INTS4: variants seen among roughly 807,000 people sequenced by gnomAD.
INTS4 encodes MSTP093.
INTS4 carries 70 observed loss-of-function variants against 119.5 expected under a neutral mutation model. That is an observed-to-expected ratio of 0.59 (90% CI 0.48 to 0.71). INTS4 has a LOEUF of 0.71. Among genes scored for constraint, INTS4 ranks in the 30% least tolerant of loss-of-function variants. The pLI is 0.00. For synonymous variants in INTS4, 316 were observed against 419.6 expected, an observed-to-expected ratio of 0.75 and a Z score of 3.02; for missense variants, 867 against 1,173.2, an observed-to-expected ratio of 0.74 and a Z score of 3.81.
rs755694615 is a variant in INTS4, at chr11:77,956,093, T to G, written c.798-31A>C. The G allele has an allele frequency of 2.5e-5, 39 of 1,572,880 alleles. No homozygotes were observed. In the East Asian group the frequency reaches 8.5e-4, roughly 34 times the overall value. On this transcript the variant is annotated intron_variant, in intron 7 of 22. Coordinates refer to ENST00000534064, the MANE Select transcript of INTS4 (RefSeq NM_033547.4). ...TTAAAAGAAAAGAAATGAAATCACT[T>G]AGAACAAAACATGAACCTAAGTCTG...
chr11:77,884,825 A>G (rs1482872527), intron 21 of INTS4: 1 of 405,960 alleles, frequency 2.5e-6, no homozygotes, highest in Non-Finnish European at 5.1e-6. Context: ...CACGATCATA[A>G]CTCACTGAAG....
At chr11:77,929,853 A>G (rs1953603632) in intron 10 of INTS4, among the ~76,000 whole-genome samples, 2 of 152,208 alleles carry the variant, frequency 1.3e-5, no homozygotes, top group Admixed American at 6.5e-5. Flanking sequence ...GAGATAATAC[A>G]GGTAAACCAC....
chr11:77,920,108 C>G (rs1382634798), intron 14 of INTS4, among the ~76,000 whole-genome samples: 1 of 150,876 alleles, frequency 6.6e-6, no homozygotes, highest in African/African-American at 2.4e-5. Flanking sequence ...CGCACCTGGC[C>G]TCATTTTGTA....
intron 18 of INTS4, among the ~76,000 whole-genome samples, chr11:77,898,186 C>G (rs780786369): frequency 1.5e-4 from 23 of 152,052 alleles, no homozygotes; most frequent in Non-Finnish European, 2.4e-4. Context: ...TTATTTGAGA[C>G]AGAGTTTCAC....
At position 77,924,734 on chromosome 11, in the gene INTS4, G is replaced by C. The variant is rs755586044; in HGVS notation, c.1514+16C>G. 1.5e-5 allele frequency: 24 copies of C among 1,599,544 alleles called. No homozygotes were observed. The African/African-American group carries it at 2.5e-4, about 17-fold the overall frequency. On this transcript the variant is annotated intron_variant, in intron 12 of 22. Coordinates refer to ENST00000534064, the MANE Select transcript of INTS4 (RefSeq NM_033547.4). The stretch of plus-strand genomic sequence containing the variant: ...ATTATGGGACTCAGTGAGTAAATGG[G>C]CAAAAAAGTCATTACTTCCATATGG...
intron 1 of INTS4, among the ~76,000 whole-genome samples, chr11:77,993,644 A>AT (rs869060987): frequency 1.2e-5 from 1 of 85,452 alleles, no homozygotes; most frequent in Non-Finnish European, 2.0e-5. Context: ...CATATTTTGT[A>AT]TTTGTATTAA....
intron 21 of INTS4, 72 bp from the exon 22 acceptor site, chr11:77,884,024 T>C: frequency 6.7e-7 from 1 of 1,494,988 alleles, no homozygotes. Context: ...ATGACATCTG[T>C]TGTGAACCTC....
chr11:77,972,158 C>T (rs1290639419), intron 4 of INTS4, among the ~76,000 whole-genome samples: 1 of 152,162 alleles, frequency 6.6e-6, no homozygotes, highest in African/African-American at 2.4e-5. Flanking sequence ...ACTGCAGTAG[C>T]GCAGTCTCGG....
At chr11:77,907,964 T>C (rs753398042) in intron 15 of INTS4, among the ~76,000 whole-genome samples, 154 bp from the exon 16 acceptor site, 15 of 152,238 alleles carry the variant, frequency 9.9e-5, no homozygotes, top group Non-Finnish European at 1.9e-4. Context: ...ATAATAAAAT[T>C]GGTTCACTCA....
intron 8 of INTS4, among the ~76,000 whole-genome samples, chr11:77,949,489 C>A (rs1954133261): frequency 7.6e-6 from 1 of 131,084 alleles, no homozygotes. Context: ...AGCTAATATC[C>A]AGAATCTACA....
chr11:77,876,330 G>A (rs1011034535), downstream of INTS4, among the ~76,000 whole-genome samples: 3 of 151,840 alleles, frequency 2.0e-5, no homozygotes, highest in Admixed American at 6.6e-5. Context: ...CTGGGCCTGC[G>A]TATTCATTTG....
At chr11:77,994,523 A>T in intron 1 of INTS4, 67 bp downstream of exon 1, 5 of 1,286,836 alleles carry the variant, frequency 3.9e-6, no homozygotes, top group Non-Finnish European at 5.7e-6. Flanking sequence ...GTTCCGGCAA[A>T]GTGCCTGGGA....
chr11:77,984,450 C>T (rs760939487), intron 2 of INTS4, among the ~76,000 whole-genome samples: 14 of 150,754 alleles, frequency 9.3e-5, no homozygotes, highest in South Asian at 2.1e-4. Context: ...GCTGAGATCA[C>T]GCCACTGCAC....
chr11:77,939,107 G>A (rs556632574), intron 9 of INTS4, among the ~76,000 whole-genome samples: 3 of 152,242 alleles, frequency 2.0e-5, no homozygotes, highest in Non-Finnish European at 2.9e-5. Flanking sequence ...ACATAGGAAA[G>A]AGAGAGCCAG....
At chr11:77,882,890 A>G (rs1027543891) in intron 22 of INTS4, among the ~76,000 whole-genome samples, 2 of 152,050 alleles carry the variant, frequency 1.3e-5, no homozygotes, top group African/African-American at 2.4e-5. Flanking sequence ...GGCCAACATG[A>G]CGAAACCCTG....
intron 4 of INTS4, among the ~76,000 whole-genome samples, chr11:77,970,191 G>A (rs1265548071): frequency 6.6e-6 from 1 of 152,078 alleles, no homozygotes; most frequent in Non-Finnish European, 1.5e-5. Context: ...GAGGTCAAGA[G>A]CTCGAGACCA....
chr11:77,937,545 A>C (rs1303035872), intron 10 of INTS4, among the ~76,000 whole-genome samples: 1 of 152,140 alleles, frequency 6.6e-6, no homozygotes, highest in East Asian at 1.9e-4. Context: ...GGAGTTAAAG[A>C]CTGGCTTGGA....
intron 21 of INTS4, among the ~76,000 whole-genome samples, chr11:77,885,356 C>T (rs1049484939): frequency 3.9e-5 from 6 of 152,010 alleles, no homozygotes; most frequent in African/African-American, 9.7e-5. Flanking sequence ...GGATTACAGG[C>T]GTGAGCCACC....
chr11:77,913,972 C>T (rs1376496283), intron 15 of INTS4, among the ~76,000 whole-genome samples: 8 of 152,158 alleles, frequency 5.3e-5, no homozygotes, highest in South Asian at 2.1e-4. Flanking sequence ...TCATGTGATA[C>T]AGGAATCCCC....
Sources: gnomAD v4.1 joint callset for allele counts (sites outside exome capture counted in the v4.1 genomes callset) on GRCh38, gnomAD v4.1.1 for gene constraint, MANE v1.5 for transcripts, NCBI Gene and HGNC (gene_info 2026-07-23, HGNC 2026-07-21) for gene names.